The following C10orf143 variants were observed in gnomAD, a reference collection of about 807,000 sequenced individuals.
C10orf143 encodes chromosome 10 open reading frame 143, also known as uncharacterized protein C10orf143.
intron 1 of C10orf143, among the ~76,000 whole-genome samples, chr10:130,098,813 G>A (rs1215745508): frequency 6.6e-6 from 1 of 152,134 alleles, no homozygotes; most frequent in Non-Finnish European, 1.5e-5. Flanking sequence ...TTGGCTGGGC[G>A]CGGTGGCTCA....
chr10:130,046,769 C>G (rs1198845644), intron 3 of C10orf143, among the ~76,000 whole-genome samples: 2 of 152,212 alleles, frequency 1.3e-5, no homozygotes, highest in African/African-American at 4.8e-5. Context: ...GCCGCCCGCT[C>G]ACCTGCACGC....
chr10:130,049,869 A>C (rs1406069567), intron 3 of C10orf143, among the ~76,000 whole-genome samples: 2 of 152,242 alleles, frequency 1.3e-5, no homozygotes, highest in Non-Finnish European at 2.9e-5. Context: ...TAAATGAAAA[A>C]TTCAAGATGT....
chr10:130,105,760 C>CAA (rs1361892382), intron 1 of C10orf143, among the ~76,000 whole-genome samples: 1 of 151,786 alleles, frequency 6.6e-6, no homozygotes, highest in South Asian at 2.1e-4. Context: ...CAAAACAAAA[C>CAA]AAAACTCCCC....
intron 3 of C10orf143, among the ~76,000 whole-genome samples, chr10:130,074,599 G>A (rs939250243): frequency 1.1e-4 from 16 of 152,084 alleles, no homozygotes; most frequent in South Asian, 2.1e-4. Context: ...GTTCTCAGCC[G>A]TCACTGCAGG....
At chr10:130,042,057 G>A (rs563177738) in intron 3 of C10orf143, among the ~76,000 whole-genome samples, 6 of 151,950 alleles carry the variant, frequency 3.9e-5, no homozygotes, top group South Asian at 2.1e-4. Flanking sequence ...GTGTACACAC[G>A]TGCACACCCA....
At chr10:130,035,258 T>A (rs1243728744) in intron 4 of C10orf143, among the ~76,000 whole-genome samples, 2 of 152,184 alleles carry the variant, frequency 1.3e-5, no homozygotes, top group African/African-American at 4.8e-5. Context: ...TCTCCCCATG[T>A]CATCCTATGG....
chr10:130,038,713 T>C (rs1397884838), intron 3 of C10orf143, among the ~76,000 whole-genome samples: 1 of 152,180 alleles, frequency 6.6e-6, no homozygotes, highest in Non-Finnish European at 1.5e-5. Flanking sequence ...GGCCTTAGCC[T>C]CCCTGGCTAA....
intron 1 of C10orf143, among the ~76,000 whole-genome samples, chr10:130,097,071 C>G (rs1861474766): frequency 6.6e-6 from 1 of 151,732 alleles, no homozygotes; most frequent in South Asian, 2.1e-4. Flanking sequence ...AGCGATTCTC[C>G]TGCCTCAGCC....
At chr10:130,087,440 G>A (rs907572490) in intron 1 of C10orf143, among the ~76,000 whole-genome samples, 3 of 152,220 alleles carry the variant, frequency 2.0e-5, no homozygotes, top group Non-Finnish European at 2.9e-5. Context: ...GAAAGGTGAA[G>A]CAGGAGCGTG....
chr10:130,038,579 T>G (rs1860570873), intron 3 of C10orf143, among the ~76,000 whole-genome samples: 1 of 152,140 alleles, frequency 6.6e-6, no homozygotes, highest in African/African-American at 2.4e-5. Context: ...TTTTATTAAT[T>G]GGCGTTTGCT....
At chr10:130,036,990 C>A (rs927570241) in intron 3 of C10orf143, among the ~76,000 whole-genome samples, 2 of 152,186 alleles carry the variant, frequency 1.3e-5, no homozygotes, top group African/African-American at 4.8e-5. Flanking sequence ...ACTGGGCCAG[C>A]AGGTGACAGT....
chr10:130,066,499 C>G (rs1262554952), intron 3 of C10orf143: 1 of 152,016 alleles, frequency 6.6e-6, no homozygotes, highest in Non-Finnish European at 1.5e-5. Context: ...TGGCCAAGAC[C>G]CAGAATCTTA....
At chr10:130,095,453 A>G (rs989197492) in intron 1 of C10orf143, among the ~76,000 whole-genome samples, 11 of 152,218 alleles carry the variant, frequency 7.2e-5, no homozygotes, top group African/African-American at 1.2e-4. Flanking sequence ...TTTAAATTTC[A>G]TATGGAACCA....
chr10:130,076,189 C>G (rs962401496), intron 3 of C10orf143, among the ~76,000 whole-genome samples: 2 of 152,022 alleles, frequency 1.3e-5, no homozygotes, highest in African/African-American at 4.8e-5. Flanking sequence ...AAACACTCAC[C>G]AGGAGGACAA....
intron 1 of C10orf143, among the ~76,000 whole-genome samples, chr10:130,102,697 T>A (rs1861577037): frequency 6.6e-6 from 1 of 152,218 alleles, no homozygotes; most frequent in South Asian, 2.1e-4. Context: ...TGCAGTTCTA[T>A]CAGTTTTTGC....
intron 3 of C10orf143, among the ~76,000 whole-genome samples, chr10:130,045,779 G>A (rs1238633180): frequency 1.3e-5 from 2 of 152,178 alleles, no homozygotes; most frequent in East Asian, 1.9e-4. Flanking sequence ...CGATTGCCTC[G>A]ACTCGAGGCT....
At chr10:130,108,254 G>C (rs1246683252) in intron 1 of C10orf143, 3 of 1,562,198 alleles carry the variant, frequency 1.9e-6, no homozygotes, top group African/African-American at 1.4e-5. Flanking sequence ...TCCACCAGGG[G>C]ATTTCCCAGG....
At chr10:130,042,554 C>G (rs1347953801) in intron 3 of C10orf143, among the ~76,000 whole-genome samples, 1 of 152,224 alleles carries the variant, frequency 6.6e-6, no homozygotes, top group South Asian at 2.1e-4. Context: ...CTCAGCCCCT[C>G]GGATGGGAGA....
At chr10:130,084,025 T>C (rs774814310) in intron 1 of C10orf143, among the ~76,000 whole-genome samples, 3 of 152,090 alleles carry the variant, frequency 2.0e-5, no homozygotes, top group Non-Finnish European at 2.9e-5. Context: ...AAAATACTAT[T>C]TTGGGCCAGG....
Sources: allele counts gnomAD v4.1 joint callset (sites outside exome capture counted in the v4.1 genomes callset), GRCh38; gene constraint gnomAD v4.1.1; transcripts MANE v1.5; gene names NCBI Gene and HGNC (gene_info 2026-07-23, HGNC 2026-07-21).